Variants in LIMD1 observed in about 807,000 individuals in gnomAD.
LIMD1 encodes the protein LIM domain-containing protein 1.
A neutral mutation model predicts 58.4 loss-of-function variants in LIMD1; 23 were observed. The observed-to-expected ratio is 0.39, with a 90% CI of 0.28 to 0.56. The LOEUF (loss-of-function observed/expected upper bound fraction) is 0.56. Ranked by LOEUF, LIMD1 falls within the 20% of genes least tolerant of loss-of-function variation. LIMD1 has a pLI of 0.57. For missense variants in LIMD1, 838 were observed against 855.5 expected, an observed-to-expected ratio of 0.98 and a Z score of 0.25; for synonymous variants, 334 against 345.5, an observed-to-expected ratio of 0.97 and a Z score of 0.37.
intron 1 of LIMD1, among the ~76,000 whole-genome samples, chr3:45,601,422 C>T (rs1701410158): frequency 6.6e-6 from 1 of 152,234 alleles, no homozygotes; most frequent in African/African-American, 2.4e-5. Flanking sequence ...TCTTCAGGGG[C>T]TGACAGGAGG....
At chr3:45,644,522 A>G (rs1343034001) in intron 2 of LIMD1, among the ~76,000 whole-genome samples, 1 of 152,162 alleles carries the variant, frequency 6.6e-6, no homozygotes. Flanking sequence ...TCCTCCACCC[A>G]TGGCGGCGCA....
chr3:45,633,444 C>G (rs1442179092), intron 1 of LIMD1, among the ~76,000 whole-genome samples: 1 of 152,136 alleles, frequency 6.6e-6, no homozygotes, highest in East Asian at 1.9e-4. Flanking sequence ...ATGATGAACT[C>G]TAGTTAATGA....
intron 2 of LIMD1, among the ~76,000 whole-genome samples, chr3:45,651,879 G>A (rs1237161894): frequency 1.3e-5 from 2 of 150,914 alleles, no homozygotes; most frequent in Non-Finnish European, 3.0e-5. Flanking sequence ...TGATCCACCT[G>A]CCTCGGCCTC....
At chr3:45,648,130 C>G (rs1367769372) in intron 2 of LIMD1, among the ~76,000 whole-genome samples, 1 of 152,078 alleles carries the variant, frequency 6.6e-6, no homozygotes, top group African/African-American at 2.4e-5. Context: ...TTTAACTGAT[C>G]ATGATTTTAC....
intron 2 of LIMD1, among the ~76,000 whole-genome samples, chr3:45,659,322 C>T (rs1426873433): frequency 6.6e-6 from 1 of 152,152 alleles, no homozygotes; most frequent in East Asian, 1.9e-4. Context: ...TATTTTCAGT[C>T]TGGGTGCAGT....
chr3:45,678,569 T>G lies in LIMD1; in HGVS notation c.*1510T>G, dbSNP rs770288921. 6.6e-6 allele frequency: 1 copy of G among 152,228 alleles called. No individual in the cohort carries two copies. Among genetic ancestry groups the G allele is most frequent in the Non-Finnish European group, 1.5e-5 (1 of 68,084 alleles). 9.4% of individuals were successfully genotyped at this position (152,228 alleles called of 1,614,324 possible). ...GGTCAGTACCCTTTGGTATTTCGATTAGAAGAAGCTGCAAAAGAAAGGCAG... is the reference window on the plus strand; with the variant it reads ...GGTCAGTACCCTTTGGTATTTCGATGAGAAGAAGCTGCAAAAGAAAGGCAG... On this transcript the variant is annotated 3_prime_UTR_variant, in exon 8 of 8. Coordinates refer to ENST00000273317, the MANE Select transcript of LIMD1 (RefSeq NM_014240.3).
At chr3:45,614,866 T>C (rs1036525710) in intron 1 of LIMD1, among the ~76,000 whole-genome samples, 1 of 151,284 alleles carries the variant, frequency 6.6e-6, no homozygotes, top group African/African-American at 2.4e-5. Flanking sequence ...CCGATCATCC[T>C]ACTCTAGGGA....
At position 45,626,073 on chromosome 3, in the gene LIMD1, T is replaced by C. The variant is rs145727313; in HGVS notation, c.1409-10077T>C. Among the ~76,000 whole-genome samples, 680 of 152,380 alleles carry C rather than the reference T, an allele frequency of 4.5e-3. 2 individuals are homozygous for C. The highest frequency in any genetic ancestry group is 6.8e-3 in the Non-Finnish European group (462 of 68,040). ...TAATCCTTGGTGGATCATTGCCTCCTGCTGCACATCTTTTAAAACGGGAAA... is the reference window on the plus strand; with the variant it reads ...TAATCCTTGGTGGATCATTGCCTCCCGCTGCACATCTTTTAAAACGGGAAA... On this transcript the variant is annotated intron_variant, in intron 1 of 7. Transcript: ENST00000273317.
chr3:45,660,149 T>C (rs1332099080), intron 2 of LIMD1, among the ~76,000 whole-genome samples: 1 of 152,184 alleles, frequency 6.6e-6, no homozygotes, highest in Non-Finnish European at 1.5e-5. Context: ...GTGTTCTCCA[T>C]ACATTGGATC....
At chr3:45,619,655 C>T (rs1246074460) in intron 1 of LIMD1, among the ~76,000 whole-genome samples, 3 of 151,562 alleles carry the variant, frequency 2.0e-5, no homozygotes, top group Non-Finnish European at 2.9e-5. Context: ...AAAAATTAGC[C>T]GGGTGTGGTG....
chr3:45,631,281 C>T (rs968996211), intron 1 of LIMD1, among the ~76,000 whole-genome samples: 17 of 151,036 alleles, frequency 1.1e-4, no homozygotes, highest in South Asian at 8.3e-4. Context: ...TCCAGCCTGG[C>T]GACAGAGTGA....
At chr3:45,602,322 A>T (rs1217599541) in intron 1 of LIMD1, among the ~76,000 whole-genome samples, 1 of 152,070 alleles carries the variant, frequency 6.6e-6, no homozygotes, top group East Asian at 1.9e-4. Context: ...GGGCCTGGGG[A>T]TCTGTCACGG....
At chr3:45,645,978 C>T (rs1475575550) in intron 2 of LIMD1, among the ~76,000 whole-genome samples, 1 of 150,452 alleles carries the variant, frequency 6.6e-6, no homozygotes, top group Non-Finnish European at 1.5e-5. Flanking sequence ...TGCAGTGAGC[C>T]GTGATCGTGC....
intron 1 of LIMD1, among the ~76,000 whole-genome samples, chr3:45,624,187 A>T (rs1467126327): frequency 6.6e-6 from 1 of 152,204 alleles, no homozygotes; most frequent in Non-Finnish European, 1.5e-5. Context: ...ATCCCTGCAG[A>T]TGCTGACTGG....
intron 6 of LIMD1, 52 bp from the exon 7 acceptor site, chr3:45,674,291 C>A: frequency 6.8e-7 from 1 of 1,470,526 alleles, no homozygotes; most frequent in Non-Finnish European, 9.5e-7. Flanking sequence ...TCAAGCCCGA[C>A]AGCCCCCCTA....
rs765138917 is a variant in LIMD1 at position 45,595,626 on chromosome 3, T to A, written c.747T>A (p.Ser249Arg). Residue 249 changes from serine (S) to arginine (R), a missense_variant, in exon 1 of 8, where the codon AGT becomes AGA. Transcript: ENST00000273317. ...AGGGTAGCCTCGGTGGTCAGAATAG[T>A]GGCATTGGTGGCCGCAGCAGCGAGA... ...SSEGSLGGQNSGIGGRSSEKP... is the reference protein window; with the variant it reads ...SSEGSLGGQNRGIGGRSSEKP... The A allele has an allele frequency of 3.7e-6, 6 of 1,613,788 alleles. No homozygotes were observed. The highest frequency in any genetic ancestry group is 5.1e-6 in the Non-Finnish European group (6 of 1,179,924).
intron 1 of LIMD1, among the ~76,000 whole-genome samples, chr3:45,630,141 CAT>C (rs200088074): frequency 0.076 from 10,485 of 138,520 alleles, 1,161 homozygotes; most frequent in African/African-American, 0.26. Flanking sequence ...GTTACAGTAA[CAT>C]GTGATGATAT....
chr3:45,640,914 G>C (rs4234451), intron 2 of LIMD1, among the ~76,000 whole-genome samples: 111,534 of 152,204 alleles, frequency 0.73, 42,196 homozygotes, highest in East Asian at 0.97. Context: ...CCCACTTCCT[G>C]TCCAGTTCCA....
At chr3:45,656,066 G>C (rs912009864) in intron 2 of LIMD1, among the ~76,000 whole-genome samples, 1 of 152,136 alleles carries the variant, frequency 6.6e-6, no homozygotes, top group South Asian at 2.1e-4. Flanking sequence ...TATAAGAAGA[G>C]CTCAGAGATG....
Sources: gnomAD v4.1 joint callset for allele counts (sites outside exome capture counted in the v4.1 genomes callset) on GRCh38, gnomAD v4.1.1 for gene constraint, MANE v1.5 for transcripts, NCBI Gene and HGNC (gene_info 2026-07-23, HGNC 2026-07-21) for gene names.